ALK: variants seen among roughly 807,000 people sequenced by gnomAD.
ALK encodes the protein ALK tyrosine kinase receptor.
A neutral mutation model predicts 163.1 loss-of-function variants in ALK; 74 were observed. That is an observed-to-expected ratio of 0.45 (90% CI 0.38 to 0.55). ALK has a LOEUF of 0.55. Ranked by LOEUF, ALK falls within the 20% of genes least tolerant of loss-of-function variation. ALK has a pLI of 0.00. For synonymous variants in ALK, 960 were observed against 843.2 expected (o/e 1.14, Z -2.40); for missense variants, 2,063 against 2,105.3 (o/e 0.98, Z 0.39).
At chr2:29,217,588 G>A (rs1073319) in intron 23 of ALK, among the ~76,000 whole-genome samples, 38,054 of 152,106 alleles carry the variant, frequency 0.25, 6,197 homozygotes, top group East Asian at 0.73. Context: ...GTCATTTCAT[G>A]TTTGCACAGA....
At chr2:29,810,378 T>C (rs561749662) in intron 1 of ALK, among the ~76,000 whole-genome samples, 31 of 142,938 alleles carry the variant, frequency 2.2e-4, no homozygotes, top group African/African-American at 7.7e-4. Context: ...GCAGAGACTG[T>C]ACCATTTCAC....
chr2:29,559,680 C>G (rs1434217143), intron 3 of ALK, among the ~76,000 whole-genome samples: 1 of 126,514 alleles, frequency 7.9e-6, no homozygotes, highest in Non-Finnish European at 2.0e-5. Flanking sequence ...TCTGTAAAGG[C>G]AAATGAATAA....
At chr2:29,777,043 A>C (rs898508578) in intron 1 of ALK, among the ~76,000 whole-genome samples, 12 of 152,110 alleles carry the variant, frequency 7.9e-5, no homozygotes, top group Non-Finnish European at 1.5e-5. Context: ...GATTTTCCTC[A>C]TCTAGTCTCA....
chr2:29,801,909 C>A (rs1035569853), intron 1 of ALK, among the ~76,000 whole-genome samples: 2 of 152,080 alleles, frequency 1.3e-5, no homozygotes, highest in African/African-American at 4.8e-5. Flanking sequence ...CACTGCAGGG[C>A]AAATCAGTTT....
chr2:29,481,445 G>C (rs1300687806), intron 4 of ALK, among the ~76,000 whole-genome samples: 1 of 152,138 alleles, frequency 6.6e-6, no homozygotes, highest in Admixed American at 6.5e-5. Flanking sequence ...CATTTAATTT[G>C]ATTTTACCAA....
chr2:29,196,917 T>G (rs2148142139), intron 27 of ALK, 57 bp from the exon 28 acceptor site: 1 of 1,454,784 alleles, frequency 6.9e-7, no homozygotes, highest in African/African-American at 1.4e-5. Flanking sequence ...GAAAAATATA[T>G]TTTCTTCCAG....
At chr2:29,902,607 G>T (rs138155729) in intron 1 of ALK, among the ~76,000 whole-genome samples, 1 of 152,138 alleles carries the variant, frequency 6.6e-6, no homozygotes, top group African/African-American at 2.4e-5. Flanking sequence ...TGTACTTACC[G>T]ACATAAAATC....
chr2:29,734,626 G>C lies in ALK; in HGVS notation c.668-16929C>G, dbSNP rs189844428. Among the ~76,000 whole-genome samples, 6 of 151,814 alleles carry C rather than the reference G, an allele frequency of 4.0e-5. No individual in the cohort carries two copies. In the East Asian group the frequency reaches 1.2e-3, roughly 29 times the overall value. On this transcript the variant is annotated intron_variant, in intron 1 of 28. Transcript: ENST00000389048. ...ACCTGTAAAAATAAATATAGATCCT[G>C]ATCTCTCTTTCTCCCTCTCTCTTTC...
At chr2:29,371,411 G>A (rs1003024244) in intron 5 of ALK, among the ~76,000 whole-genome samples, 8 of 152,212 alleles carry the variant, frequency 5.3e-5, no homozygotes, top group South Asian at 2.1e-4. Flanking sequence ...AGACTTCAGC[G>A]TGAGCTTCCC....
In ALK at chr2:29,872,951, G is replaced by A. The variant is rs542645595; in HGVS notation, c.667+47042C>T. On this transcript the variant is annotated intron_variant, in intron 1 of 28. Coordinates refer to ENST00000389048, the MANE Select transcript of ALK (RefSeq NM_004304.5). The stretch of plus-strand genomic sequence containing the variant: ...ACTTGTTGGACTGCAACATTTGCAA[G>A]TCAAAAAGCAAGTGGTTTAAGAGAC... Among the ~76,000 whole-genome samples the A allele has an allele frequency of 8.5e-5, 13 of 152,350 alleles. 1 individual carries two copies. In the East Asian group the frequency reaches 2.5e-3, roughly 29 times the overall value.
intron 5 of ALK, among the ~76,000 whole-genome samples, chr2:29,367,298 T>C (rs1668531525): frequency 6.6e-6 from 1 of 152,152 alleles, no homozygotes; most frequent in South Asian, 2.1e-4. Context: ...TCTAATATTT[T>C]CAAGATTAAG....
At chr2:29,802,212 AAAG>A (rs1430937323) in intron 1 of ALK, among the ~76,000 whole-genome samples, 15 of 151,556 alleles carry the variant, frequency 9.9e-5, no homozygotes, top group Admixed American at 9.2e-4. Context: ...CTGAATGAGA[AAAG>A]AAGAAAGCTT....
chr2:29,569,615 G>A (rs554981276), intron 3 of ALK, among the ~76,000 whole-genome samples: 5 of 152,242 alleles, frequency 3.3e-5, no homozygotes, highest in African/African-American at 7.2e-5. Context: ...AGATGAGGAC[G>A]TGGCAGCACA....
intron 4 of ALK, among the ~76,000 whole-genome samples, chr2:29,518,619 G>A (rs1341099618): frequency 6.6e-6 from 1 of 152,206 alleles, no homozygotes; most frequent in Non-Finnish European, 1.5e-5. Flanking sequence ...GGAGGTTCCA[G>A]ATCACTGAAG....
chr2:29,685,587 A>G lies in ALK; in HGVS notation c.952+9263T>C, dbSNP rs183086500. ...GTCAGTTTGTCTTGAAGTCCCCATC[A>G]GTCCTCTGAGCCTTGTTCCTTCTAG... On this transcript the variant is annotated intron_variant, in intron 3 of 28. Coordinates refer to ENST00000389048, the MANE Select transcript of ALK (RefSeq NM_004304.5). Among the ~76,000 whole-genome samples, 22 of 152,256 alleles carry G rather than the reference A, an allele frequency of 1.4e-4. No homozygotes were observed. In the East Asian group the frequency reaches 4.1e-3, roughly 28 times the overall value.
intron 4 of ALK, among the ~76,000 whole-genome samples, chr2:29,413,438 C>G (rs554468333): frequency 3.9e-5 from 6 of 152,224 alleles, no homozygotes; most frequent in Non-Finnish European, 7.4e-5. Context: ...CCTCCGCCTC[C>G]CAGGTTCAAT....
intron 1 of ALK, among the ~76,000 whole-genome samples, chr2:29,746,408 C>T (rs1680209647): frequency 6.6e-6 from 1 of 152,186 alleles, no homozygotes; most frequent in Non-Finnish European, 1.5e-5. Context: ...GTGACAGGTA[C>T]CCAAATTATA....
chr2:29,801,035 A>G (rs1664455743), intron 1 of ALK, among the ~76,000 whole-genome samples: 1 of 152,156 alleles, frequency 6.6e-6, no homozygotes, highest in African/African-American at 2.4e-5. Context: ...AGGGAGGAAC[A>G]GGTCCTGAAG....
chr2:29,228,538 A>AG, intron 16 of ALK, among the ~76,000 whole-genome samples: 1 of 152,280 alleles, frequency 6.6e-6, no homozygotes, highest in East Asian at 1.9e-4. Flanking sequence ...CAGCCCCTTC[A>AG]GGAGCTGGCT....
Sources: allele counts gnomAD v4.1 joint callset (sites outside exome capture counted in the v4.1 genomes callset), GRCh38; gene constraint gnomAD v4.1.1; transcripts MANE v1.5; gene names NCBI Gene and HGNC (gene_info 2026-07-23, HGNC 2026-07-21).